Variants in NECAB2 observed in about 807,000 individuals in gnomAD.
NECAB2 encodes N-terminal EF-hand calcium binding protein 2, also known as N-terminal EF-hand calcium-binding protein 2.
Under a neutral mutation model 51.9 loss-of-function variants are expected in NECAB2, and 68 were observed. That is an observed-to-expected ratio of 1.31 (90% confidence interval 1.08 to 1.60). The LOEUF is 1.60. NECAB2 is among the 40% of genes most tolerant of loss of function. The pLI is 0.00. For synonymous variants in NECAB2, 329 were observed against 203.5 expected (o/e 1.62, Z -5.25); for missense variants, 854 against 490.3 (o/e 1.74, Z -7.00).
intron 2 of NECAB2, among the ~76,000 whole-genome samples, chr16:83,973,286 C>G (rs932882310): frequency 8.5e-5 from 13 of 152,170 alleles, no homozygotes; most frequent in Admixed American, 2.0e-4. Context: ...CAGCACCCGC[C>G]TCATCCCTGG....
chr16:83,978,374 G>A (rs925332), intron 2 of NECAB2, 70 bp from the exon 3 acceptor site: 177,105 of 1,251,994 alleles, frequency 0.14, 24,553 homozygotes, highest in African/African-American at 0.7. Context: ...TTTGGGGGCC[G>A]TGCATGCACT....
intron 5 of NECAB2, among the ~76,000 whole-genome samples, chr16:83,983,345 G>T (rs2151090705): frequency 6.6e-6 from 1 of 152,248 alleles, no homozygotes; most frequent in South Asian, 2.1e-4. Flanking sequence ...TGTCTATCCT[G>T]TGGCATTTCT....
chr16:83,986,201 G>C (rs1315032490), intron 5 of NECAB2, among the ~76,000 whole-genome samples: 1 of 152,112 alleles, frequency 6.6e-6, no homozygotes, highest in East Asian at 1.9e-4. Context: ...GTTTCTAGTA[G>C]AGACGGGTTT....
In NECAB2 at chr16:83,980,941, G is replaced by T. The variant is rs188313337; in HGVS notation, c.361+77G>T. ...GATGAGAAGGGCCTGAGGCAGGGGA[G>T]GCTGGAGGTAGCGCAGGTGGGAGGT... On this transcript the variant is annotated intron_variant, in intron 4 of 12. Coordinates refer to ENST00000305202, the MANE Select transcript of NECAB2 (RefSeq NM_019065.3). 7.1e-5 allele frequency: 115 copies of T among 1,609,230 alleles called. No homozygotes were observed. In the Middle Eastern group the frequency reaches 1.7e-3, roughly 23 times the overall value.
chr16:83,969,081 C>A (rs2084321408), intron 1 of NECAB2, among the ~76,000 whole-genome samples: 1 of 151,690 alleles, frequency 6.6e-6, no homozygotes, highest in African/African-American at 2.4e-5. Context: ...CGCCCCTCCA[C>A]CGGCGCTTCT....
chr16:84,001,200 G>A (rs544159840), intron 11 of NECAB2, among the ~76,000 whole-genome samples: 71 of 151,920 alleles, frequency 4.7e-4, no homozygotes, highest in Non-Finnish European at 7.6e-4. Flanking sequence ...CTGAGTGCCC[G>A]GTACGAGGGA....
intron 2 of NECAB2, among the ~76,000 whole-genome samples, chr16:83,973,091 T>C (rs1008171137): frequency 1.3e-5 from 2 of 152,176 alleles, no homozygotes; most frequent in African/African-American, 4.8e-5. Context: ...TTAAAGAGAA[T>C]CGCGTGCTCC....
chr16:83,978,683 AG>A, intron 3 of NECAB2, 131 bp downstream of exon 3: 1 of 723,202 alleles, frequency 1.4e-6, no homozygotes, highest in Admixed American at 2.5e-5. Context: ...TTGCTAATCC[AG>A]AAGTCAGCTC....
At chr16:83,992,165 G>C (rs1472775567) in intron 6 of NECAB2, among the ~76,000 whole-genome samples, 2 of 151,938 alleles carry the variant, frequency 1.3e-5, no homozygotes, top group African/African-American at 4.8e-5. Context: ...AGCAAGTTGA[G>C]AGTTTCTCAG....
intron 10 of NECAB2, 94 bp from the exon 11 acceptor site, chr16:84,000,630 T>G: frequency 1.1e-6 from 1 of 940,590 alleles, no homozygotes; most frequent in Admixed American, 2.0e-5. Context: ...AGCCGTTGTG[T>G]ATAGTGGTGG....
intron 6 of NECAB2, among the ~76,000 whole-genome samples, chr16:83,992,066 T>G (rs886113874): frequency 7.2e-5 from 11 of 152,324 alleles, no homozygotes; most frequent in African/African-American, 2.6e-4. Flanking sequence ...CTGTCATTGT[T>G]TACGATCCAG....
chr16:83,984,103 C>A (rs898197155), intron 5 of NECAB2, among the ~76,000 whole-genome samples: 2 of 150,092 alleles, frequency 1.3e-5, no homozygotes, highest in African/African-American at 4.9e-5. Context: ...TCACGCCATT[C>A]TCCTGCTTCA....
intron 3 of NECAB2, among the ~76,000 whole-genome samples, chr16:83,980,351 G>C (rs1270488539): frequency 1.3e-5 from 2 of 152,182 alleles, no homozygotes; most frequent in African/African-American, 4.8e-5. Context: ...AGAAAGGACA[G>C]GACCCTTCTC....
At chr16:83,969,140 G>T (rs1347237738) in intron 1 of NECAB2, among the ~76,000 whole-genome samples, 1 of 151,300 alleles carries the variant, frequency 6.6e-6, no homozygotes, top group Non-Finnish European at 1.5e-5. Context: ...CCCGGACCCG[G>T]CCACTGTCCC....
chr16:84,000,949 C>G, intron 11 of NECAB2, 148 bp downstream of exon 11: 1 of 727,468 alleles, frequency 1.4e-6, no homozygotes. Flanking sequence ...ATGCTTGCGT[C>G]AGTAAACCCT....
intron 12 of NECAB2, 112 bp downstream of exon 12, chr16:84,002,028 G>T: frequency 8.0e-7 from 1 of 1,245,676 alleles, no homozygotes; most frequent in Non-Finnish European, 1.1e-6. Flanking sequence ...TGGGCCCACT[G>T]TCAGCTCCTG....
intron 2 of NECAB2, among the ~76,000 whole-genome samples, chr16:83,974,429 C>T (rs1476488966): frequency 6.6e-6 from 1 of 152,194 alleles, no homozygotes; most frequent in African/African-American, 2.4e-5. Context: ...GCCTCAAATG[C>T]CTCGGAAATG....
At chr16:83,965,341 C>A, upstream of NECAB2, 1 of 1,572,214 alleles carries the variant, frequency 6.4e-7, no homozygotes, top group Non-Finnish European at 8.6e-7. Context: ...CCCGGCTGGG[C>A]ATCCCCGGGG....
chr16:83,997,413 CA>C, intron 9 of NECAB2, 144 bp downstream of exon 9: 1 of 1,029,588 alleles, frequency 9.7e-7, no homozygotes. Context: ...GCTTGGCACC[CA>C]GACCCTGCCC....
Sources: allele counts gnomAD v4.1 joint callset (sites outside exome capture counted in the v4.1 genomes callset), GRCh38; gene constraint gnomAD v4.1.1; transcripts MANE v1.5; gene names NCBI Gene and HGNC (gene_info 2026-07-23, HGNC 2026-07-21).